Variants in RDX observed in about 807,000 individuals in gnomAD.
RDX encodes the protein deafness, autosomal recessive 24.
A neutral mutation model predicts 83.7 loss-of-function variants in RDX; 32 were observed. That is an observed-to-expected ratio of 0.38 (90% confidence interval 0.29 to 0.51). The LOEUF is 0.51. Among genes scored for constraint, RDX ranks in the 20% least tolerant of loss-of-function variants. RDX has a pLI of 0.87. For synonymous variants in RDX, 229 were observed against 222.7 expected (o/e 1.03, Z -0.25); for missense variants, 600 against 689.9 (o/e 0.87, Z 1.46).
At chr11:110,265,480 CAAT>C (rs1166501866) in intron 3 of RDX, among the ~76,000 whole-genome samples, 1 of 146,670 alleles carries the variant, frequency 6.8e-6, no homozygotes, top group Non-Finnish European at 1.5e-5. Context: ...ATGACCTCAA[CAAT>C]AACAAGAGTC....
intron 10 of RDX, among the ~76,000 whole-genome samples, chr11:110,242,034 G>A (rs1199355552): frequency 2.6e-5 from 4 of 152,162 alleles, no homozygotes; most frequent in Admixed American, 2.6e-4. Context: ...GGGGGGAAAT[G>A]GGGATTGTTT....
chr11:110,182,332 TG>T (rs1172628473), intron 15 of RDX, among the ~76,000 whole-genome samples: 1 of 152,238 alleles, frequency 6.6e-6, no homozygotes, highest in Non-Finnish European at 1.5e-5. Flanking sequence ...CCGGGCATGG[TG>T]GCTCATGCCT....
At chr11:110,293,384 GT>G (rs1281985017) in intron 1 of RDX, among the ~76,000 whole-genome samples, 1 of 151,964 alleles carries the variant, frequency 6.6e-6, no homozygotes. Context: ...CACTTTTATA[GT>G]TTTTTTTAAA....
At chr11:110,185,364 C>T (rs1307579924) in intron 15 of RDX, 1 of 152,216 alleles carries the variant, frequency 6.6e-6, no homozygotes, top group Non-Finnish European at 1.5e-5. Context: ...ACTCAGACAG[C>T]CTTGAGAACA....
chr11:110,267,555 C>T lies in RDX; in HGVS notation c.97-2681G>A, dbSNP rs914052472. On this transcript the variant is annotated intron_variant, in intron 3 of 13. Coordinates refer to ENST00000645495, the MANE Select transcript of RDX (RefSeq NM_002906.4). ...ACACACACACACACACACACACACA[C>T]ACACACACACAAATAATCTTAAAAC... is the stretch of plus-strand genomic sequence containing the variant. Among the ~76,000 whole-genome samples, 42 of 149,864 alleles carry T rather than the reference C, an allele frequency of 2.8e-4. 1 individual carries two copies. The South Asian group carries it at 6.9e-3, about 25-fold the overall frequency.
Sources: gnomAD v4.1 joint callset for allele counts (sites outside exome capture counted in the v4.1 genomes callset) on GRCh38, gnomAD v4.1.1 for gene constraint, MANE v1.5 for transcripts, NCBI Gene and HGNC (gene_info 2026-07-23, HGNC 2026-07-21) for gene names.